Variants in STXBP4 observed in about 807,000 individuals in gnomAD.
The protein encoded by STXBP4 is syntaxin-binding protein 4.
Under a neutral mutation model 76.1 loss-of-function variants are expected in STXBP4, and 55 were observed. The ratio of observed to expected loss-of-function variants is 0.72; its 90% confidence interval spans 0.58 to 0.91. STXBP4 has a LOEUF of 0.91. STXBP4 is among the 40% of genes least tolerant of loss of function. The pLI is 0.00. For synonymous variants in STXBP4, 201 were observed against 220.2 expected (o/e 0.91, Z 0.77); for missense variants, 618 against 636.9 (o/e 0.97, Z 0.32).
At chr17:55,007,163 C>T (rs886536701) in intron 7 of STXBP4, among the ~76,000 whole-genome samples, 1 of 151,790 alleles carries the variant, frequency 6.6e-6, no homozygotes, top group Admixed American at 6.6e-5. Flanking sequence ...CATAGTGAAA[C>T]CCTGTCTCTA....
intron 13 of STXBP4, among the ~76,000 whole-genome samples, chr17:55,076,397 C>G (rs1030267695): frequency 6.6e-6 from 1 of 152,080 alleles, no homozygotes; most frequent in Non-Finnish European, 1.5e-5. Flanking sequence ...ATAATAAGCT[C>G]TCCCCATTTT....
intron 1 of STXBP4, among the ~76,000 whole-genome samples, chr17:54,969,771 A>G (rs1368911319): frequency 1.3e-5 from 2 of 152,198 alleles, no homozygotes; most frequent in African/African-American, 4.8e-5. Context: ...TGCCCTCTCA[A>G]CTGTGGGCCT....
At position 55,020,417 on chromosome 17, in the gene STXBP4, T is replaced by C. The variant is rs141429942; in HGVS notation, c.667-10751T>C. On this transcript the variant is annotated intron_variant, in intron 8 of 17. Coordinates refer to ENST00000376352, the MANE Select transcript of STXBP4 (RefSeq NM_178509.6). ...GTTAAACATGTTCTATGTCTAACTA[T>C]ACAGTAGCTGCAGTCTTTGGCTGTC... Among the ~76,000 whole-genome samples the C allele has an allele frequency of 1.3e-4, 20 of 152,050 alleles. No homozygotes were observed. The East Asian group carries it at 3.7e-3, about 28-fold the overall frequency.
chr17:55,189,827 T>G, the STXBP4 span, among the ~76,000 whole-genome samples: 1 of 152,190 alleles, frequency 6.6e-6, no homozygotes, highest in Non-Finnish European at 1.5e-5. Context: ...AGAGTGACTG[T>G]AAATTGGATT....
chr17:55,084,806 A>G (rs189290125), intron 16 of STXBP4, among the ~76,000 whole-genome samples: 42 of 152,166 alleles, frequency 2.8e-4, no homozygotes, highest in Admixed American at 2.4e-3. Context: ...ATGCGGCGTT[A>G]TTTCTGAGGG....
intron 8 of STXBP4, among the ~76,000 whole-genome samples, chr17:55,026,364 TAGAGC>T (rs2078415518): frequency 6.6e-6 from 1 of 152,152 alleles, no homozygotes; most frequent in Non-Finnish European, 1.5e-5. Flanking sequence ...GATGGTAGAT[TAGAGC>T]GGTATTAGCA....
intron 3 of STXBP4, among the ~76,000 whole-genome samples, chr17:54,989,489 CA>C (rs1261695239): frequency 6.6e-6 from 1 of 152,086 alleles, no homozygotes; most frequent in East Asian, 1.9e-4. Flanking sequence ...AACACAACAA[CA>C]AAGTAGATTA....
intron 12 of STXBP4, among the ~76,000 whole-genome samples, chr17:55,069,692 C>T (rs1338560820): frequency 3.3e-5 from 5 of 152,178 alleles, no homozygotes; most frequent in Admixed American, 1.3e-4. Context: ...ATTTATTCAG[C>T]ATCAAAACCT....
rs571129884 is a variant in STXBP4, at chr17:55,021,753, C to T, written c.667-9415C>T. 1.6e-4 allele frequency among the ~76,000 whole-genome samples: 25 copies of T among 152,118 alleles called. No homozygotes were observed. The East Asian group carries it at 3.3e-3, about 20-fold the overall frequency. The stretch of plus-strand genomic sequence containing the variant: ...TTTTCTGTACTATCAGAAATAGTTA[C>T]ATTTTAACTTTCACATAAATTATAA... On this transcript the variant is annotated intron_variant, in intron 8 of 17. Transcript: ENST00000376352.
chr17:55,050,415 A>G (rs1163204999), intron 12 of STXBP4, among the ~76,000 whole-genome samples: 1 of 152,190 alleles, frequency 6.6e-6, no homozygotes, highest in Non-Finnish European at 1.5e-5. Context: ...AGTTAAATCT[A>G]TACTACCATA....
intron 16 of STXBP4, among the ~76,000 whole-genome samples, chr17:55,112,369 C>T (rs946341676): frequency 9.2e-5 from 14 of 152,158 alleles, no homozygotes; most frequent in African/African-American, 3.1e-4. Context: ...AAGGCAAGGT[C>T]CTCACTTGTC....
rs1249706489 is a variant in STXBP4 at position 55,168,193 on chromosome 17, GTA to G, written c.*8286_*8287del. ...GCATACATACACACACATACACTTA[GTA>G]TATGTGTGTGTGTGTGTGTGTATAT... On this transcript the variant is annotated 3_prime_UTR_variant, in exon 18 of 18. Coordinates refer to ENST00000376352, the MANE Select transcript of STXBP4 (RefSeq NM_178509.6). The G allele has an allele frequency of 3.4e-5, 5 of 148,112 alleles. No individual in the cohort carries two copies. Among genetic ancestry groups the G allele is most frequent in the African/African-American group, 7.6e-5 (3 of 39,408 alleles). 9.2% of individuals were successfully genotyped at this position (148,112 alleles called of 1,614,324 possible). A position where few individuals can be genotyped will look rare whatever the true frequency, so the allele number is the denominator to read the frequency against.
At position 55,117,821 on chromosome 17, in the gene STXBP4, T is replaced by C. The variant is rs565812430; in HGVS notation, c.1490-23489T>C. ...CTTTAGGTTCTGTTCTCTCCATCAGTCGTATCATCACTTCTACTCCCTTCC... is the reference window on the plus strand; with the variant it reads ...CTTTAGGTTCTGTTCTCTCCATCAGCCGTATCATCACTTCTACTCCCTTCC... On this transcript the variant is annotated intron_variant, in intron 16 of 17. Coordinates refer to ENST00000376352, the MANE Select transcript of STXBP4 (RefSeq NM_178509.6). Among the ~76,000 whole-genome samples, 10 of 152,042 alleles carry C rather than the reference T, an allele frequency of 6.6e-5. No individual in the cohort carries two copies. The South Asian group carries it at 2.1e-3, about 31-fold the overall frequency.
chr17:55,197,068 T>G, the STXBP4 span, among the ~76,000 whole-genome samples: 1 of 152,248 alleles, frequency 6.6e-6, no homozygotes, highest in Non-Finnish European at 1.5e-5. Context: ...TACATCTGGC[T>G]GCACATTAAA....
intron 16 of STXBP4, among the ~76,000 whole-genome samples, chr17:55,087,754 AT>A (rs1186348275): frequency 6.6e-6 from 1 of 151,520 alleles, no homozygotes; most frequent in East Asian, 1.9e-4. Flanking sequence ...AAATTTTAGA[AT>A]TTTTTTCTGT....
intron 16 of STXBP4, among the ~76,000 whole-genome samples, chr17:55,107,215 G>A (rs1050479792): frequency 9.2e-5 from 14 of 151,598 alleles, no homozygotes; most frequent in Admixed American, 3.3e-4. Flanking sequence ...CCTTTCTTCC[G>A]CTTTATCGAT....
Position 54,968,816 on chromosome 17 carries a change from G to T in STXBP4, c.-157+1G>T, listed in dbSNP as rs1344263671. 1.1e-5 allele frequency: 7 copies of T among 664,304 alleles called. No homozygotes were observed. Among genetic ancestry groups the T allele is most frequent in the Non-Finnish European group, 1.8e-5 (7 of 391,506 alleles). 41.2% of individuals were successfully genotyped at this position (664,304 alleles called of 1,614,324 possible). A position where few individuals can be genotyped will look rare whatever the true frequency, so the allele number is the denominator to read the frequency against. ...CGGAGGCCGGGTTGCCAGATTACGG[G>T]TAAGTTTGCGTTTTGCTTTGTGACT... On this transcript the variant is annotated splice_donor_variant, in intron 1 of 17. Transcript: ENST00000376352. LOFTEE classifies it low-confidence loss of function (5UTR_SPLICE).
chr17:55,035,080 T>C (rs1013439935), intron 10 of STXBP4, among the ~76,000 whole-genome samples: 1 of 152,010 alleles, frequency 6.6e-6, no homozygotes, highest in African/African-American at 2.4e-5. Context: ...CCCATCTTCA[T>C]TTTTGCCATT....
At chr17:55,029,038 T>C (rs2078462042) in intron 8 of STXBP4, among the ~76,000 whole-genome samples, 1 of 142,102 alleles carries the variant, frequency 7.0e-6, no homozygotes, top group Non-Finnish European at 1.5e-5. Context: ...ACATGTATAA[T>C]GTTCTGTAAT....
Sources: gnomAD v4.1 joint callset for allele counts (sites outside exome capture counted in the v4.1 genomes callset) on GRCh38, gnomAD v4.1.1 for gene constraint, MANE v1.5 for transcripts, NCBI Gene and HGNC (gene_info 2026-07-23, HGNC 2026-07-21) for gene names.